The following TIMM9 variants were observed in gnomAD, a reference collection of about 807,000 sequenced individuals.
The protein encoded by TIMM9 is mitochondrial import inner membrane translocase subunit Tim9.
A neutral mutation model predicts 13.4 loss-of-function variants in TIMM9; 10 were observed. The ratio of observed to expected loss-of-function variants is 0.75; its 90% CI spans 0.46 to 1.26. TIMM9 has a LOEUF of 1.26. TIMM9 is among the 50% of genes most tolerant of loss of function. TIMM9 has a pLI of 0.00. For synonymous variants in TIMM9, 32 were observed against 32.1 expected, an observed-to-expected ratio of 1.00 and a Z score of 0.01; for missense variants, 87 against 100.8, an observed-to-expected ratio of 0.86 and a Z score of 0.58.
chr14:58,410,250 T>G (rs2036171323), intron 5 of TIMM9, among the ~76,000 whole-genome samples: 1 of 152,054 alleles, frequency 6.6e-6, no homozygotes, highest in Admixed American at 6.6e-5. Flanking sequence ...TTTTTTTGTA[T>G]TTTTTGTAAA....
chr14:58,425,834 A>T (rs1277280514), intron 2 of TIMM9, among the ~76,000 whole-genome samples: 8 of 152,154 alleles, frequency 5.3e-5, no homozygotes, highest in Admixed American at 3.9e-4. Flanking sequence ...AATAAAAAAT[A>T]ATGGCCACGT....
intron 5 of TIMM9, among the ~76,000 whole-genome samples, 194 bp downstream of exon 5, chr14:58,410,649 G>A (rs2036185399): frequency 6.6e-6 from 1 of 152,188 alleles, no homozygotes. Flanking sequence ...TTGGTACAAT[G>A]TAACTGTCAT....
intron 2 of TIMM9, among the ~76,000 whole-genome samples, chr14:58,425,503 T>G (rs2036712074): frequency 6.6e-6 from 1 of 150,514 alleles, no homozygotes; most frequent in Admixed American, 6.6e-5. Context: ...GTTGAAGGCT[T>G]CAGGGAGCTA....
At chr14:58,413,622 C>T (rs2036290897) in intron 3 of TIMM9, among the ~76,000 whole-genome samples, 1 of 152,106 alleles carries the variant, frequency 6.6e-6, no homozygotes, top group Admixed American at 6.6e-5. Context: ...GACTTAGGTT[C>T]AGTTAATCTA....
In TIMM9 at chr14:58,408,814, T is replaced by C. The variant is rs544564263; in HGVS notation, c.*220A>G. ...CTGAATCATAAGGCCTCAACAAATGTTGCATCTTATTATTTCACTGAACAA... is the reference window on the plus strand; with the variant it reads ...CTGAATCATAAGGCCTCAACAAATGCTGCATCTTATTATTTCACTGAACAA... On this transcript the variant is annotated 3_prime_UTR_variant, in exon 6 of 6. Transcript: ENST00000395159. 155 of 701,202 alleles carry C rather than the reference T, an allele frequency of 2.2e-4. 4 individuals are homozygous for C. In the South Asian group the frequency reaches 3.3e-3, roughly 15 times the overall value. The allele number at this position is 701,202 out of a possible 1,614,324, so 43.4% of individuals were successfully genotyped here. A position where few individuals can be genotyped will look rare whatever the true frequency, so the allele number is the denominator to read the frequency against.
At chr14:58,417,749 A>G (rs1268809358) in intron 3 of TIMM9, among the ~76,000 whole-genome samples, 1 of 152,116 alleles carries the variant, frequency 6.6e-6, no homozygotes, top group Admixed American at 6.6e-5. Flanking sequence ...AATGAACCCA[A>G]TGAAGGAAAT....
chr14:58,426,393 G>A (rs1177405454), intron 2 of TIMM9, among the ~76,000 whole-genome samples: 2 of 151,784 alleles, frequency 1.3e-5, no homozygotes, highest in African/African-American at 4.8e-5. Context: ...TTTCAGTAGA[G>A]GCGGGGTTTC....
chr14:58,413,005 CTTATT>C (rs1466347525), intron 3 of TIMM9, among the ~76,000 whole-genome samples: 11 of 151,980 alleles, frequency 7.2e-5, no homozygotes, highest in Non-Finnish European at 2.9e-5. Flanking sequence ...CACCAAATTG[CTTATT>C]TTAAATTTTT....
At chr14:58,412,204 G>T (rs552251612) in intron 3 of TIMM9, 1 of 357,290 alleles carries the variant, frequency 2.8e-6, no homozygotes, top group Non-Finnish European at 5.2e-6. Context: ...GCGCAGTGGC[G>T]CCATCTTGGC....
At chr14:58,409,504 G>C (rs547089737) in intron 5 of TIMM9, among the ~76,000 whole-genome samples, 6 of 152,274 alleles carry the variant, frequency 3.9e-5, no homozygotes, top group Non-Finnish European at 7.4e-5. Flanking sequence ...TGTAGACCCA[G>C]TAGTAAGTTT....
rs139968781 is a variant in TIMM9, at chr14:58,419,436, T to C, written c.-27+4572A>G. 3.2e-3 allele frequency among the ~76,000 whole-genome samples: 407 copies of C among 127,560 alleles called. 2 individuals are homozygous for C. The highest frequency in any genetic ancestry group is 9.9e-3 in the Middle Eastern group (2 of 202). 83.7% of individuals were successfully genotyped at this position (127,560 alleles called of 152,430 possible). A position where few individuals can be genotyped will look rare whatever the true frequency, so the allele number is the denominator to read the frequency against. On this transcript the variant is annotated intron_variant, in intron 3 of 5. Coordinates refer to ENST00000395159, the MANE Select transcript of TIMM9 (RefSeq NM_012460.4). ...CGCCACTACGCTCCAGTCTGGAAAA[T>C]AGAGTGAGACCCCGTCACACACACA... is the stretch of plus-strand genomic sequence containing the variant.
rs368626993 is a variant in TIMM9, at chr14:58,420,447, G to C, written c.-27+3561C>G. 2.6e-5 allele frequency among the ~76,000 whole-genome samples: 4 copies of C among 152,270 alleles called. 1 individual carries two copies. On this transcript the variant is annotated intron_variant, in intron 3 of 5. Coordinates refer to ENST00000395159, the MANE Select transcript of TIMM9 (RefSeq NM_012460.4). Reference sequence around the variant, plus strand: ...AAAAGGAAATACATATGGCTAATAAGTACCTGAAAAGATGTTCAACATCAT... The same window carrying C: ...AAAAGGAAATACATATGGCTAATAACTACCTGAAAAGATGTTCAACATCAT...
intron 3 of TIMM9, among the ~76,000 whole-genome samples, chr14:58,417,555 A>AGAGGGAAAGGAGCGTGGGAGG (rs1412775861): frequency 2.6e-5 from 3 of 114,874 alleles, no homozygotes; most frequent in East Asian, 2.9e-4. Flanking sequence ...GGGGAGGGAG[A>AGAGGGAAAGGAGCGTGGGAGG]GAGGGAAAGG....
At chr14:58,426,190 C>T (rs1185084268) in intron 2 of TIMM9, among the ~76,000 whole-genome samples, 1 of 151,822 alleles carries the variant, frequency 6.6e-6, no homozygotes, top group Non-Finnish European at 1.5e-5. Flanking sequence ...GTCTTTAACG[C>T]TGAGCCCTTA....
chr14:58,422,706 A>C (rs2036624140), intron 3 of TIMM9, among the ~76,000 whole-genome samples: 1 of 152,172 alleles, frequency 6.6e-6, no homozygotes, highest in Admixed American at 6.5e-5. Context: ...AAAACAAAAG[A>C]TAGTTCTACC....
At chr14:58,414,082 G>A (rs1049284770) in intron 3 of TIMM9, among the ~76,000 whole-genome samples, 1 of 134,972 alleles carries the variant, frequency 7.4e-6, no homozygotes, top group African/African-American at 2.7e-5. Flanking sequence ...TAAACAGCAT[G>A]TAAAAGGAAA....
In TIMM9 at chr14:58,422,013, C is replaced by CT. The variant is rs34329213; in HGVS notation, c.-27+1994dup. ...CCTTCTTATAATGCCAAAATCTGTT[C>CT]TTTTTTTTTTTTTTTTTAATTCCAT... On this transcript the variant is annotated intron_variant, in intron 3 of 5. Coordinates refer to ENST00000395159, the MANE Select transcript of TIMM9 (RefSeq NM_012460.4). 2.4e-3 allele frequency among the ~76,000 whole-genome samples: 294 copies of CT among 121,210 alleles called. 1 individual carries two copies. Among genetic ancestry groups the CT allele is most frequent in the African/African-American group, 3.6e-3 (110 of 30,856 alleles). 79.5% of individuals were successfully genotyped at this position (121,210 alleles called of 152,430 possible). A position where few individuals can be genotyped will look rare whatever the true frequency, so the allele number is the denominator to read the frequency against.
chr14:58,411,695 C>T (rs1052462640), intron 4 of TIMM9, among the ~76,000 whole-genome samples: 5 of 151,806 alleles, frequency 3.3e-5, no homozygotes, highest in Admixed American at 6.6e-5. Context: ...TGCGCCAGCA[C>T]GCCCAGCTAA....
At chr14:58,421,996 T>C (rs922987674) in intron 3 of TIMM9, among the ~76,000 whole-genome samples, 13 of 150,344 alleles carry the variant, frequency 8.6e-5, no homozygotes, top group African/African-American at 3.2e-4. Context: ...TTCCTTCTTA[T>C]AATGCCAAAA....
Sources: allele counts gnomAD v4.1 joint callset (sites outside exome capture counted in the v4.1 genomes callset), GRCh38; gene constraint gnomAD v4.1.1; transcripts MANE v1.5; gene names NCBI Gene and HGNC (gene_info 2026-07-23, HGNC 2026-07-21).